Variants in MRPS28 observed in about 807,000 individuals in gnomAD.
MRPS28 encodes small ribosomal subunit protein bS1m.
In MRPS28, 7 loss-of-function variants were observed where a neutral mutation model predicts 10.8. The ratio of observed to expected loss-of-function variants is 0.65; its 90% CI spans 0.37 to 1.22. MRPS28 has a LOEUF of 1.22. Among genes scored for constraint, MRPS28 ranks in the 50% most tolerant of loss-of-function variants. The pLI is 0.02. For missense variants in MRPS28, 265 were observed against 232.9 expected (o/e 1.14, Z -0.90); for synonymous variants, 121 against 93.3 (o/e 1.30, Z -1.71).
chr8:79,992,596 G>A (rs1489027853), intron 2 of MRPS28, among the ~76,000 whole-genome samples: 1 of 152,208 alleles, frequency 6.6e-6, no homozygotes, highest in Non-Finnish European at 1.5e-5. Context: ...TAAAGATGAA[G>A]ATGTCATACA....
intron 2 of MRPS28, among the ~76,000 whole-genome samples, chr8:79,988,372 T>C (rs1211965177): frequency 1.3e-5 from 2 of 151,538 alleles, no homozygotes; most frequent in Non-Finnish European, 2.9e-5. Context: ...TGTATATGTA[T>C]GTAACTAACC....
At chr8:79,947,828 G>A (rs1343786443) in intron 2 of MRPS28, among the ~76,000 whole-genome samples, 2 of 150,734 alleles carry the variant, frequency 1.3e-5, no homozygotes, top group East Asian at 1.9e-4. Context: ...TAGTAGAGAC[G>A]GGGTTTCACC....
chr8:80,027,525 G>A (rs1013641989), intron 1 of MRPS28, among the ~76,000 whole-genome samples: 1 of 152,204 alleles, frequency 6.6e-6, no homozygotes, highest in Non-Finnish European at 1.5e-5. Context: ...TGGAGGTTTA[G>A]AAGATTCTCA....
intron 2 of MRPS28, among the ~76,000 whole-genome samples, chr8:79,951,324 GAGA>G (rs1807074641): frequency 6.6e-6 from 1 of 152,186 alleles, no homozygotes; most frequent in Non-Finnish European, 1.5e-5. Flanking sequence ...ACTGCAAAGT[GAGA>G]AGATGGCCAT....
At chr8:79,919,172 T>A (rs78961564) in intron 2 of MRPS28, 24 bp from the exon 3 acceptor site, 1 of 1,428,144 alleles carries the variant, frequency 7.0e-7, no homozygotes, top group South Asian at 1.4e-5. Context: ...AAAAAAAAAA[T>A]CCATTAATTC....
rs1286858648 is a variant in MRPS28 at position 79,985,267 on chromosome 8, G to A, written c.395+17732C>T. On this transcript the variant is annotated intron_variant, in intron 2 of 2. Transcript: ENST00000276585. ...AACATACCGGAATCTCTGGGACACA[G>A]TCAAATCAGTGTGTAGAGGGAAATT... Among the ~76,000 whole-genome samples the A allele has an allele frequency of 3.3e-5, 5 of 152,162 alleles. No homozygotes were observed. The East Asian group carries it at 9.6e-4, about 29-fold the overall frequency.
intron 1 of MRPS28, among the ~76,000 whole-genome samples, chr8:80,026,395 ATT>A (rs1319923640): frequency 6.6e-6 from 1 of 152,242 alleles, no homozygotes; most frequent in African/African-American, 2.4e-5. Context: ...GGACAGGCAC[ATT>A]CAACTGACAT....
chr8:80,024,315 T>G (rs905857272), intron 1 of MRPS28, among the ~76,000 whole-genome samples: 1 of 152,058 alleles, frequency 6.6e-6, no homozygotes, highest in East Asian at 1.9e-4. Context: ...TTAAAGCTAA[T>G]GAAGCAAAGT....
At chr8:80,007,146 C>T (rs199724968) in intron 1 of MRPS28, among the ~76,000 whole-genome samples, 1 of 151,974 alleles carries the variant, frequency 6.6e-6, no homozygotes, top group Non-Finnish European at 1.5e-5. Context: ...TAATCCAGCA[C>T]ATAAACAGAA....
At chr8:80,006,153 A>G (rs1808836234) in intron 1 of MRPS28, among the ~76,000 whole-genome samples, 1 of 152,178 alleles carries the variant, frequency 6.6e-6, no homozygotes, top group African/African-American at 2.4e-5. Flanking sequence ...CATCTACAGA[A>G]CTCCCCAACC....
Position 79,956,299 on chromosome 8 carries a change from G to A in MRPS28, c.396-37151C>T, listed in dbSNP as rs962530286. On this transcript the variant is annotated intron_variant, in intron 2 of 2. Transcript: ENST00000276585. ...AAAATATTTTATATCAAAATTATAC[G>A]TGGCATTATAAAATGTTTCATCTGG... is the stretch of plus-strand genomic sequence containing the variant. Among the ~76,000 whole-genome samples the A allele has an allele frequency of 4.6e-5, 7 of 151,928 alleles. No individual in the cohort carries two copies. In the East Asian group the frequency reaches 5.8e-4, roughly 13 times the overall value.
intron 2 of MRPS28, among the ~76,000 whole-genome samples, chr8:79,946,047 A>T (rs2129950272): frequency 6.6e-6 from 1 of 152,296 alleles, no homozygotes; most frequent in South Asian, 2.1e-4. Flanking sequence ...TAATTTCAAG[A>T]CCAATTTTTG....
chr8:79,977,933 T>G (rs1807847425), intron 2 of MRPS28, among the ~76,000 whole-genome samples: 1 of 152,066 alleles, frequency 6.6e-6, no homozygotes, highest in Non-Finnish European at 1.5e-5. Context: ...TAAATACTTC[T>G]TTTTCCTATT....
intron 2 of MRPS28, among the ~76,000 whole-genome samples, chr8:79,965,839 C>A (rs1477834571): frequency 1.3e-5 from 2 of 152,010 alleles, no homozygotes; most frequent in African/African-American, 4.8e-5. Context: ...TTAAGTCTTC[C>A]ACAGTATCGG....
intron 2 of MRPS28, among the ~76,000 whole-genome samples, chr8:79,969,362 A>G (rs1477946263): frequency 2.6e-5 from 4 of 152,198 alleles, no homozygotes; most frequent in African/African-American, 7.2e-5. Flanking sequence ...TTGAATTTCA[A>G]TGAAGAAAGA....
chr8:79,919,759 G>C lies in MRPS28; in HGVS notation c.396-611C>G, dbSNP rs190869515. 6.1e-4 allele frequency among the ~76,000 whole-genome samples: 93 copies of C among 152,238 alleles called. 1 individual carries two copies. The highest frequency in any genetic ancestry group is 2.2e-3 in the African/African-American group (92 of 41,544). On this transcript the variant is annotated intron_variant, in intron 2 of 2. Coordinates refer to ENST00000276585, the MANE Select transcript of MRPS28 (RefSeq NM_014018.3). The stretch of plus-strand genomic sequence containing the variant: ...AATTAAAGTCAGAGAGTATCAAGGG[G>C]AAAAGAAGTTTCAGATACATTTTCC...
At chr8:79,926,610 C>A (rs1810241079) in intron 2 of MRPS28, among the ~76,000 whole-genome samples, 1 of 152,166 alleles carries the variant, frequency 6.6e-6, no homozygotes, top group African/African-American at 2.4e-5. Context: ...GTGGACAAGT[C>A]TAGTAGCAAC....
chr8:80,009,151 C>A, intron 1 of MRPS28, among the ~76,000 whole-genome samples: 1 of 152,158 alleles, frequency 6.6e-6, no homozygotes, highest in Non-Finnish European at 1.5e-5. Context: ...TGGAAACCAT[C>A]ATTCTCAGCA....
chr8:79,962,894 T>C (rs1807409498), intron 2 of MRPS28, among the ~76,000 whole-genome samples: 1 of 152,116 alleles, frequency 6.6e-6, no homozygotes, highest in South Asian at 2.1e-4. Flanking sequence ...TGAAAGAAAC[T>C]AGGAAGGATA....
Sources: allele counts gnomAD v4.1 joint callset (sites outside exome capture counted in the v4.1 genomes callset), GRCh38; gene constraint gnomAD v4.1.1; transcripts MANE v1.5; gene names NCBI Gene and HGNC (gene_info 2026-07-23, HGNC 2026-07-21).